The following ZFAT variants were observed in gnomAD, a reference collection of about 807,000 sequenced individuals.
The protein encoded by ZFAT is zinc finger protein ZFAT.
In ZFAT, 64 loss-of-function variants were observed where a neutral mutation model predicts 117.7. The observed-to-expected ratio is 0.54, with a 90% confidence interval of 0.44 to 0.67. ZFAT has a LOEUF of 0.67. ZFAT is among the 30% of genes least tolerant of loss of function. The pLI, the probability that ZFAT is intolerant of heterozygous loss-of-function variation, is 0.00. For missense variants in ZFAT, 1,433 were observed against 1,584.5 expected, an observed-to-expected ratio of 0.90 and a Z score of 1.62; for synonymous variants, 679 against 615.0, an observed-to-expected ratio of 1.10 and a Z score of -1.54.
the ZFAT span, among the ~76,000 whole-genome samples, chr8:134,782,080 A>G: frequency 6.6e-6 from 1 of 152,208 alleles, no homozygotes; most frequent in Non-Finnish European, 1.5e-5. Context: ...TCAAAGGTCA[A>G]CTGTATATTG....
At chr8:134,795,835 C>T in the ZFAT span, 1 of 152,230 alleles carries the variant, frequency 6.6e-6, no homozygotes, top group Non-Finnish European at 1.5e-5. Flanking sequence ...TGAACAGCCT[C>T]ATCTTGTGCT....
chr8:134,663,333 A>AT (rs1240234028), intron 1 of ZFAT, among the ~76,000 whole-genome samples: 1 of 152,246 alleles, frequency 6.6e-6, no homozygotes, highest in Non-Finnish European at 1.5e-5. Context: ...AAAGAATGGA[A>AT]TACTCAGCTA....
chr8:134,767,311 T>C, the ZFAT span: 1 of 152,266 alleles, frequency 6.6e-6, no homozygotes, highest in Non-Finnish European at 1.5e-5. Flanking sequence ...TTTCGCCTTG[T>C]AGATGTGTCA....
In ZFAT at chr8:134,637,610, T is replaced by G; in HGVS notation, c.299A>C (p.Asp100Ala). 1 of 1,614,246 alleles carries G rather than the reference T, an allele frequency of 6.2e-7. No homozygotes were observed. Among genetic ancestry groups the G allele is most frequent in the Non-Finnish European group, 8.5e-7 (1 of 1,180,056 alleles). ...LAENIVSPTE[D>A]SPLAPEEGNS... is the part of the protein sequence containing the mutation. ...CCCTTCCTCCGGAGCCAGCGGGCTG[T>G]CCTCAGTCGGACTCACGATGTTTTC... The change falls in exon 3 of 16, where the codon GAC (aspartate) becomes GCC (alanine). Residue 100 changes from aspartate to alanine, a missense_variant. This residue lies in a region of ZFAT where 436 missense variants were observed against 482.0 expected (regional missense o/e 0.90). Coordinates refer to ENST00000377838, the MANE Select transcript of ZFAT (RefSeq NM_020863.4).
At chr8:134,645,900 T>C (rs1830861220) in intron 2 of ZFAT, among the ~76,000 whole-genome samples, 1 of 152,078 alleles carries the variant, frequency 6.6e-6, no homozygotes, top group Non-Finnish European at 1.5e-5. Context: ...AAGTTAAGTC[T>C]CTATAAATTT....
the ZFAT span, among the ~76,000 whole-genome samples, chr8:134,753,843 C>T: frequency 6.6e-6 from 1 of 152,142 alleles, no homozygotes. Context: ...CTATTTGTTA[C>T]GGTGGCGTAA....
the ZFAT span, chr8:134,792,200 T>C: frequency 6.6e-6 from 1 of 152,208 alleles, no homozygotes; most frequent in Non-Finnish European, 1.5e-5. Context: ...AAAAGGCACC[T>C]AATAACCAAT....
chr8:134,654,480 C>T (rs774738400), intron 2 of ZFAT, among the ~76,000 whole-genome samples: 1 of 152,098 alleles, frequency 6.6e-6, no homozygotes, highest in Non-Finnish European at 1.5e-5. Context: ...AAAAAGGAGC[C>T]AGGGGCCTAG....
At chr8:134,551,321 G>T (rs1433794600) in intron 11 of ZFAT, among the ~76,000 whole-genome samples, 1 of 152,206 alleles carries the variant, frequency 6.6e-6, no homozygotes, top group Non-Finnish European at 1.5e-5. Context: ...AAACGGGGAT[G>T]TTAATTACCT....
chr8:134,830,245 C>G, the ZFAT span, among the ~76,000 whole-genome samples: 2 of 152,138 alleles, frequency 1.3e-5, no homozygotes, highest in African/African-American at 4.8e-5. Flanking sequence ...CAGGTTGTAA[C>G]AATTAAGTAC....
At chr8:134,762,261 C>G in the ZFAT span, among the ~76,000 whole-genome samples, 1 of 152,114 alleles carries the variant, frequency 6.6e-6, no homozygotes, top group Non-Finnish European at 1.5e-5. Context: ...CTCTACAAAC[C>G]CCTCTTAATT....
chr8:134,667,198 CAT>C (rs1832270553), intron 1 of ZFAT, among the ~76,000 whole-genome samples: 1 of 152,116 alleles, frequency 6.6e-6, no homozygotes, highest in Non-Finnish European at 1.5e-5. Flanking sequence ...GGGTTTAAAA[CAT>C]AGATGACAGG....
chr8:134,649,003 A>G (rs1194785710), intron 2 of ZFAT, among the ~76,000 whole-genome samples: 2 of 152,132 alleles, frequency 1.3e-5, no homozygotes, highest in Admixed American at 6.5e-5. Context: ...AATATACCAT[A>G]TTAATACAAC....
chr8:134,727,398 G>A, the ZFAT span, among the ~76,000 whole-genome samples: 20 of 152,228 alleles, frequency 1.3e-4, no homozygotes, highest in East Asian at 7.7e-4. Context: ...AAGTTCATTC[G>A]TAGGCAGAGG....
intron 11 of ZFAT, among the ~76,000 whole-genome samples, chr8:134,552,409 C>T (rs1823232840): frequency 1.3e-5 from 2 of 152,180 alleles, no homozygotes; most frequent in African/African-American, 2.4e-5. Flanking sequence ...GGAAAAGTTT[C>T]TCAATGATAA....
chr8:134,671,830 G>A (rs1238113995), intron 1 of ZFAT, among the ~76,000 whole-genome samples: 3 of 152,196 alleles, frequency 2.0e-5, no homozygotes, highest in Non-Finnish European at 4.4e-5. Flanking sequence ...GTTTGCAGAT[G>A]ACATGATTGT....
chr8:134,713,104 CGGCGCCGAG>C (rs1372165933), upstream of ZFAT: 11 of 411,710 alleles, frequency 2.7e-5, no homozygotes, highest in Non-Finnish European at 4.6e-5. Flanking sequence ...GACCCTCCCC[CGGCGCCGAG>C]CGCGGCCCGG....
At chr8:134,734,131 G>A in the ZFAT span, among the ~76,000 whole-genome samples, 6 of 152,186 alleles carry the variant, frequency 3.9e-5, no homozygotes, top group Non-Finnish European at 1.5e-5. Flanking sequence ...ATGCTTAGTC[G>A]GGGCACCGTC....
the ZFAT span, among the ~76,000 whole-genome samples, chr8:134,731,441 G>A: frequency 1.3e-5 from 2 of 152,338 alleles, no homozygotes; most frequent in East Asian, 1.9e-4. Context: ...TAAAGGGCCA[G>A]ATAGTATTTT....
Sources: allele counts gnomAD v4.1 joint callset (sites outside exome capture counted in the v4.1 genomes callset), GRCh38; gene constraint gnomAD v4.1.1; regional missense constraint gnomAD v4.1.1; transcripts MANE v1.5; gene names NCBI Gene and HGNC (gene_info 2026-07-23, HGNC 2026-07-21).